The following APOH variants were observed in gnomAD, a reference collection of about 807,000 sequenced individuals.
The protein encoded by APOH is apolipoprotein H.
Under a neutral mutation model 39.8 loss-of-function variants are expected in APOH, and 48 were observed. That is an observed-to-expected ratio of 1.21 (90% CI 0.96 to 1.54). The LOEUF is 1.54. Ranked by LOEUF, APOH falls within the 40% of genes most tolerant of loss-of-function variation. The pLI, the probability that APOH is intolerant of heterozygous loss-of-function variation, is 0.00. For synonymous variants in APOH, 153 were observed against 151.1 expected, an observed-to-expected ratio of 1.01 and a Z score of -0.09; for missense variants, 415 against 421.2, an observed-to-expected ratio of 0.99 and a Z score of 0.13.
chr17:66,212,668 T>C (rs2073343157), intron 7 of APOH, among the ~76,000 whole-genome samples: 1 of 152,208 alleles, frequency 6.6e-6, no homozygotes, highest in African/African-American at 2.4e-5. Flanking sequence ...TGTGAGCCAC[T>C]GCGCCTGGCC....
intron 4 of APOH, among the ~76,000 whole-genome samples, chr17:66,223,487 A>T (rs2146997250): frequency 6.6e-6 from 1 of 152,346 alleles, no homozygotes; most frequent in East Asian, 1.9e-4. Flanking sequence ...TGGAGAATAC[A>T]GAATGTGTCC....
intron 4 of APOH, 115 bp from the exon 5 acceptor site, chr17:66,220,857 A>G: frequency 9.1e-7 from 1 of 1,094,440 alleles, no homozygotes. Flanking sequence ...CAAACTGATC[A>G]AATTAGCAGG....
At position 66,222,708 on chromosome 17, in the gene APOH, A is replaced by G. The variant is rs1267216509; in HGVS notation, c.415+990T>C. ...TGCCTCAGCCTCCCAATTGGCTGGG[A>G]TTAGAGGCATGCGCCACCATGCCCA... On this transcript the variant is annotated intron_variant, in intron 4 of 7. Coordinates refer to ENST00000205948, the MANE Select transcript of APOH (RefSeq NM_000042.3). Among the ~76,000 whole-genome samples the G allele has an allele frequency of 4.0e-5, 6 of 150,948 alleles. No individual in the cohort carries two copies. The Admixed American group carries it at 4.0e-4, about 10-fold the overall frequency.
chr17:66,226,635 A>AC (rs2073441412), intron 2 of APOH, among the ~76,000 whole-genome samples: 1 of 151,928 alleles, frequency 6.6e-6, no homozygotes, highest in Non-Finnish European at 1.5e-5. Context: ...AAAAAAAAAA[A>AC]AATTGGATAG....
chr17:66,220,910 C>T lies in APOH; in HGVS notation c.416-168G>A, dbSNP rs182802144. Among the ~76,000 whole-genome samples, 150 of 152,050 alleles carry T rather than the reference C, an allele frequency of 9.9e-4. 1 individual carries two copies. Among genetic ancestry groups the T allele is most frequent in the African/African-American group, 3.5e-3 (144 of 41,498 alleles). ...TGGATGCCTAATAGGAAAATATGACCTGCCGGGCACGGTGGCTCACGCCTG... is the reference window on the plus strand; with the variant it reads ...TGGATGCCTAATAGGAAAATATGACTTGCCGGGCACGGTGGCTCACGCCTG... On this transcript the variant is annotated intron_variant, in intron 4 of 7. Transcript: ENST00000205948.
At chr17:66,221,923 A>G (rs1390312896) in intron 4 of APOH, among the ~76,000 whole-genome samples, 1 of 152,168 alleles carries the variant, frequency 6.6e-6, no homozygotes, top group Non-Finnish European at 1.5e-5. Flanking sequence ...ATAGCCTGGG[A>G]AAATAGCTTG....
Position 66,217,036 on chromosome 17 carries a change from A to G in APOH, c.605-69T>C, listed in dbSNP as rs190479055. On this transcript the variant is annotated intron_variant, in intron 5 of 7. Coordinates refer to ENST00000205948, the MANE Select transcript of APOH (RefSeq NM_000042.3). ...TATCCAATAGTCATGAAATAGTTACATCCTTGTCTCTGTCACACCACTGAA... is the reference window on the plus strand; with the variant it reads ...TATCCAATAGTCATGAAATAGTTACGTCCTTGTCTCTGTCACACCACTGAA... 1.6e-5 allele frequency: 20 copies of G among 1,289,934 alleles called. No homozygotes were observed. The African/African-American group carries it at 2.4e-4, about 16-fold the overall frequency. The allele number at this position is 1,289,934 out of a possible 1,614,324, so 79.9% of individuals were successfully genotyped here.
At chr17:66,227,072 C>T (rs776133044) in intron 2 of APOH, among the ~76,000 whole-genome samples, 9 of 151,906 alleles carry the variant, frequency 5.9e-5, no homozygotes, top group African/African-American at 1.7e-4. Flanking sequence ...TTAGTAGAGA[C>T]GAGGTTTCAC....
chr17:66,213,438 TTAG>T (rs1344207671), intron 7 of APOH, among the ~76,000 whole-genome samples: 1 of 152,258 alleles, frequency 6.6e-6, no homozygotes, highest in Non-Finnish European at 1.5e-5. Context: ...AGGGGAAATG[TTAG>T]ATCTTTAGAC....
chr17:66,221,299 AG>A (rs2073398822), intron 4 of APOH, among the ~76,000 whole-genome samples: 2 of 129,972 alleles, frequency 1.5e-5, no homozygotes, highest in African/African-American at 5.8e-5. Context: ...GGAAGTCAGA[AG>A]GGAGGGAGGG....
At position 66,228,197 on chromosome 17, in the gene APOH, C is replaced by T. The variant is rs113836465; in HGVS notation, c.65-1G>A. The T allele has an allele frequency of 6.2e-7, 1 of 1,611,820 alleles. No individual in the cohort carries two copies. Among genetic ancestry groups the T allele is most frequent in the Non-Finnish European group, 8.5e-7 (1 of 1,178,628 alleles). Reference sequence around the variant, plus strand: ...GGTAAATCATCTGGCTTGGGACAGGCTGAAAGAGGGCACAAAGCAGATGGT... The same window carrying T: ...GGTAAATCATCTGGCTTGGGACAGGTTGAAAGAGGGCACAAAGCAGATGGT... On this transcript the variant is annotated splice_acceptor_variant, in intron 1 of 7. Transcript: ENST00000205948. LOFTEE classifies it high-confidence loss of function.
chr17:66,222,517 C>T (rs2073408602), intron 4 of APOH, among the ~76,000 whole-genome samples: 1 of 150,454 alleles, frequency 6.6e-6, no homozygotes, highest in Admixed American at 6.6e-5. Context: ...TTTGCTTGTT[C>T]AGGTCTTCTT....
At chr17:66,225,986 G>A in intron 3 of APOH, 42 bp downstream of exon 3, 3 of 1,389,966 alleles carry the variant, frequency 2.2e-6, no homozygotes, top group Non-Finnish European at 3.0e-6. Context: ...ATACAAAAAT[G>A]TGCTCAGTCT....
At chr17:66,214,321 A>AGT in intron 7 of APOH, 132 bp downstream of exon 7, 1 of 825,362 alleles carries the variant, frequency 1.2e-6, no homozygotes, top group Non-Finnish European at 2.0e-6. Context: ...AGCCTCCCAA[A>AGT]GTGCTGGGAT....
At chr17:66,223,294 A>T (rs191212865) in intron 4 of APOH, among the ~76,000 whole-genome samples, 1 of 152,346 alleles carries the variant, frequency 6.6e-6, no homozygotes, top group African/African-American at 2.4e-5. Flanking sequence ...GAATGAATGA[A>T]TTCCAGAGTG....
In APOH at chr17:66,228,216, A is replaced by G; in HGVS notation, c.65-20T>C. On this transcript the variant is annotated intron_variant, in intron 1 of 7. Transcript: ENST00000205948. ...GACAGGCTGAAAGAGGGCACAAAGCAGATGGTTAACAAATCTCTATTTGCA... is the reference window on the plus strand; with the variant it reads ...GACAGGCTGAAAGAGGGCACAAAGCGGATGGTTAACAAATCTCTATTTGCA... The G allele has an allele frequency of 6.2e-7, 1 of 1,601,636 alleles. No homozygotes were observed. The highest frequency in any genetic ancestry group is 8.5e-7 in the Non-Finnish European group (1 of 1,172,610).
intron 3 of APOH, among the ~76,000 whole-genome samples, chr17:66,224,943 T>C (rs533150058): frequency 6.6e-6 from 1 of 151,800 alleles, no homozygotes; most frequent in East Asian, 1.9e-4. Flanking sequence ...GGTAGGCGCC[T>C]GTAATCCCAG....
chr17:66,212,146 A>G lies in APOH; in HGVS notation c.1025T>C (p.Val342Ala). 6.2e-7 allele frequency: 1 copy of G among 1,613,852 alleles called. No individual in the cohort carries two copies. The highest frequency in any genetic ancestry group is 8.5e-7 in the Non-Finnish European group (1 of 1,179,738). Reference sequence around the variant, plus strand: ...CTGAAAACCACCTTAGCATGGCTTTACATCGGATGCATCAGTTTTCCAAAA... The same window carrying G: ...CTGAAAACCACCTTAGCATGGCTTTGCATCGGATGCATCAGTTTTCCAAAA... ...LAFWKTDASDVKPC is the reference protein window; with the variant it reads ...LAFWKTDASDAKPC Residue 342 changes from valine (V) to alanine (A), a missense_variant, in exon 8 of 8, where the codon GTA becomes GCA. Around this residue, in one of 3 missense-constraint regions of APOH, gnomAD observed 120 missense variants for 110.6 expected, o/e 1.08. Coordinates refer to ENST00000205948, the MANE Select transcript of APOH (RefSeq NM_000042.3).
rs1461156247 is a variant in APOH at position 66,223,767 on chromosome 17, G to A, written c.346C>T (p.Leu116=). The A allele has an allele frequency of 5.0e-6, 8 of 1,613,936 alleles. No individual in the cohort carries two copies. The highest frequency in any genetic ancestry group is 6.8e-6 in the Non-Finnish European group (8 of 1,179,948). The change falls in exon 4 of 8, where the codon CTG becomes TTG. Residue 116 remains leucine (L), a synonymous_variant. Coordinates refer to ENST00000205948, the MANE Select transcript of APOH (RefSeq NM_000042.3). ...ISFSCNTGFY[L]NGADSAKCTE... is the part of the protein sequence containing the mutation. Reference sequence around the variant, plus strand: ...CACTTGGCAGAATCAGCGCCATTCAGATAAAACCTGCAAAAGGAAAATTCA... The same window carrying A: ...CACTTGGCAGAATCAGCGCCATTCAAATAAAACCTGCAAAAGGAAAATTCA...
Sources: allele counts gnomAD v4.1 joint callset (sites outside exome capture counted in the v4.1 genomes callset), GRCh38; gene constraint gnomAD v4.1.1; regional missense constraint gnomAD v4.1.1; transcripts MANE v1.5; gene names NCBI Gene and HGNC (gene_info 2026-07-23, HGNC 2026-07-21).